Variants in C4orf50 observed in about 807,000 individuals in gnomAD.
C4orf50 encodes chromosome 4 open reading frame 50.
Under a neutral mutation model 77.2 loss-of-function variants are expected in C4orf50, and 80 were observed. That is an observed-to-expected ratio of 1.04 (90% CI 0.87 to 1.25). The LOEUF (loss-of-function observed/expected upper bound fraction) is 1.25, where lower values mean the gene tolerates loss of function less well. Ranked by LOEUF, C4orf50 falls within the 50% of genes most tolerant of loss-of-function variation. The pLI is 0.00. For missense variants in C4orf50, 1,257 were observed against 1,152.9 expected, an observed-to-expected ratio of 1.09 and a Z score of -1.31; for synonymous variants, 532 against 465.3, an observed-to-expected ratio of 1.14 and a Z score of -1.84.
chr4:6,003,503 A>ATGATGGTGATGGTGATGATGATGTGGTGG (rs1205671764), intron 25 of C4orf50, among the ~76,000 whole-genome samples: 4 of 151,456 alleles, frequency 2.6e-5, no homozygotes, highest in Non-Finnish European at 2.9e-5. Context: ...GATGTTGGTG[A>ATGATGGTGATGGTGATGATGATGTGGTGG]TGATGGTGAT....
intron 7 of C4orf50, among the ~76,000 whole-genome samples, chr4:5,938,198 A>T (rs1422833271): frequency 1.3e-5 from 2 of 152,220 alleles, no homozygotes; most frequent in Non-Finnish European, 2.9e-5. Context: ...CTTGACAAGT[A>T]AAAAAAATGG....
rs1488116619 is a variant in C4orf50, at chr4:6,011,997, G to A, written c.288-29C>T. ...CAGCATGAAAAGCAGGGAGGCACTT[G>A]CTCAGGGTGCAGTCAACATGGCCTA... On this transcript the variant is annotated intron_variant, in intron 23 of 33. Coordinates refer to ENST00000531445, the Ensembl canonical transcript of C4orf50. The surrounding 1 kb of genome is among the most constrained non-coding windows in gnomAD (Gnocchi z 4.2). 5.0e-6 allele frequency: 2 copies of A among 398,890 alleles called. No individual in the cohort carries two copies. The highest frequency in any genetic ancestry group is 7.1e-5 in the East Asian group (2 of 28,096). 24.7% of individuals were successfully genotyped at this position (398,890 alleles called of 1,614,324 possible).
intron 28 of C4orf50, among the ~76,000 whole-genome samples, chr4:5,983,266 T>G (rs1720695520): frequency 6.6e-6 from 1 of 152,234 alleles, no homozygotes; most frequent in Non-Finnish European, 1.5e-5. Flanking sequence ...AACCCTCTGT[T>G]GGCTTCCTAC....
At chr4:5,925,893 G>A (rs370114066) in intron 7 of C4orf50, among the ~76,000 whole-genome samples, 14 of 152,200 alleles carry the variant, frequency 9.2e-5, no homozygotes, top group South Asian at 4.1e-4. Context: ...GGGCTGGGAG[G>A]AGATGCAGAC....
chr4:6,016,794 A>C lies in C4orf50; in HGVS notation c.287+1351T>G, dbSNP rs550486052. 5.3e-5 allele frequency among the ~76,000 whole-genome samples: 8 copies of C among 152,378 alleles called. No individual in the cohort carries two copies. In the East Asian group the frequency reaches 1.5e-3, roughly 29 times the overall value. On this transcript the variant is annotated intron_variant, in intron 23 of 33. Coordinates refer to ENST00000531445, the Ensembl canonical transcript of C4orf50. ...ATTTTTCTGATTTGTGAATTTCTTCATGCATAAAACTTTACCAAAAGGAAG... is the reference window on the plus strand; with the variant it reads ...ATTTTTCTGATTTGTGAATTTCTTCCTGCATAAAACTTTACCAAAAGGAAG...
chr4:6,013,611 G>A (rs1279046897), intron 23 of C4orf50, among the ~76,000 whole-genome samples: 2 of 152,130 alleles, frequency 1.3e-5, no homozygotes, highest in African/African-American at 2.4e-5. Flanking sequence ...ATATGGATCC[G>A]GATTCACCTG....
At chr4:5,994,034 G>A (rs984939801) in intron 26 of C4orf50, among the ~76,000 whole-genome samples, 2 of 152,088 alleles carry the variant, frequency 1.3e-5, no homozygotes, top group Admixed American at 1.3e-4. Flanking sequence ...GTGAAAGCAT[G>A]TCCCTGCTGC....
chr4:5,957,055 C>G (rs1718999277), downstream of C4orf50: 1 of 152,272 alleles, frequency 6.6e-6, no homozygotes, highest in South Asian at 2.1e-4. Flanking sequence ...AAAGCTTGAG[C>G]CGACCCAAAG....
At position 6,009,187 on chromosome 4, in the gene C4orf50, C is replaced by A. The variant is rs1360490779; in HGVS notation, c.427-655G>T. Among the ~76,000 whole-genome samples the A allele has an allele frequency of 6.6e-6, 1 of 152,236 alleles. No homozygotes were observed. Among genetic ancestry groups the A allele is most frequent in the African/African-American group, 2.4e-5 (1 of 41,470 alleles). ...CTCAGGCCTTTTCTTCTTTCATCTG[C>A]CCACCTGCCTGGCCTGGGAACACAT... On this transcript the variant is annotated intron_variant, in intron 24 of 33. Transcript: ENST00000531445. The surrounding 1 kb of genome is among the most constrained non-coding windows in gnomAD (Gnocchi z 5.6).
chr4:5,977,333 C>T (rs901933577), intron 29 of C4orf50, among the ~76,000 whole-genome samples: 2 of 152,194 alleles, frequency 1.3e-5, no homozygotes, highest in African/African-American at 4.8e-5. Flanking sequence ...AAGCCGCAAG[C>T]CTCTTCCTCA....
At chr4:5,985,071 A>G (rs1224280694) in intron 28 of C4orf50, among the ~76,000 whole-genome samples, 1 of 152,196 alleles carries the variant, frequency 6.6e-6, no homozygotes, top group Non-Finnish European at 1.5e-5. Flanking sequence ...GCAGAAGACA[A>G]TGGAATGAGA....
At position 5,992,942 on chromosome 4, in the gene C4orf50, C is replaced by G. The variant is rs1335999758; in HGVS notation, c.1094-12G>C. The G allele has an allele frequency of 2.5e-6, 1 of 398,916 alleles. No homozygotes were observed. Among genetic ancestry groups the G allele is most frequent in the Non-Finnish European group, 4.4e-6 (1 of 226,082 alleles). The allele number at this position is 398,916 out of a possible 1,614,324, so 24.7% of individuals were successfully genotyped here. A position where few individuals can be genotyped will look rare whatever the true frequency, so the allele number is the denominator to read the frequency against. ...CTCTGGGGACTGGCCTGGAAAGCAA[C>G]AAGACCCTGGGGGTTACAAAGATGC... On this transcript the variant is annotated splice_polypyrimidine_tract_variant and intron_variant, in intron 26 of 33. Coordinates refer to ENST00000531445, the Ensembl canonical transcript of C4orf50. The surrounding 1 kb of genome is among the most constrained non-coding windows in gnomAD (Gnocchi z 5.0).
At chr4:5,955,341 C>T (rs1213341797), downstream of C4orf50, among the ~76,000 whole-genome samples, 1 of 151,992 alleles carries the variant, frequency 6.6e-6, no homozygotes, top group Non-Finnish European at 1.5e-5. This position sits in a 1 kb window ranked among gnomAD's most constrained non-coding sequence, Gnocchi z 5.1. Context: ...GGGTCCAAAG[C>T]CAGGCGGGGG....
At chr4:5,953,212 C>A (rs562286062), downstream of C4orf50, among the ~76,000 whole-genome samples, 2 of 152,172 alleles carry the variant, frequency 1.3e-5, no homozygotes, top group Non-Finnish European at 2.9e-5. Flanking sequence ...TGAAGCAAAG[C>A]CTCCCAGCTG....
chr4:5,951,758 C>G (rs1245312343), intron 7 of C4orf50, among the ~76,000 whole-genome samples: 1 of 152,164 alleles, frequency 6.6e-6, no homozygotes, highest in Non-Finnish European at 1.5e-5. Context: ...TTCTCCATCC[C>G]TTCCTATAAT....
chr4:5,947,338 T>C (rs1172529276), intron 7 of C4orf50, among the ~76,000 whole-genome samples: 1 of 152,132 alleles, frequency 6.6e-6, no homozygotes, highest in African/African-American at 2.4e-5. Flanking sequence ...GCAGATTTGT[T>C]AAGAAGAACT....
At chr4:5,943,927 C>A (rs2108752433) in intron 7 of C4orf50, among the ~76,000 whole-genome samples, 1 of 152,304 alleles carries the variant, frequency 6.6e-6, no homozygotes, top group South Asian at 2.1e-4. Flanking sequence ...GCTGACAGGG[C>A]ATGGCCAGAC....
rs1719851945 is a variant in C4orf50, at chr4:5,970,580, A to T, written c.4104+3079T>A. Among the ~76,000 whole-genome samples the T allele has an allele frequency of 6.6e-6, 1 of 152,144 alleles. No individual in the cohort carries two copies. Among genetic ancestry groups the T allele is most frequent in the African/African-American group, 2.4e-5 (1 of 41,438 alleles). ...GACCCGTGGCCCCCAGCCCAACACC[A>T]CATGCCTGCAGAAAGGGCACTGGGG... On this transcript the variant is annotated intron_variant, in intron 31 of 33. Transcript: ENST00000531445. The surrounding 1 kb of genome is among the most constrained non-coding windows in gnomAD (Gnocchi z 4.3).
chr4:5,988,975 A>C (rs1560585875), exon 28 of C4orf50: 3 of 1,535,688 alleles, frequency 2.0e-6, no homozygotes, highest in East Asian at 2.4e-5. Flanking sequence ...ATTCCCTTTC[A>C]GTGTTTCATT....
Sources: gnomAD v4.1 joint callset for allele counts (sites outside exome capture counted in the v4.1 genomes callset) on GRCh38, gnomAD v4.1.1 for gene constraint, Gnocchi (gnomAD v3.1) non-coding constraint, MANE v1.5 for transcripts, NCBI Gene and HGNC (gene_info 2026-07-23, HGNC 2026-07-21) for gene names.